SOX5: variants seen among roughly 807,000 people sequenced by gnomAD.
SOX5 encodes the protein SRY-box transcription factor 5, also known as transcription factor SOX-5.
A neutral mutation model predicts 92.0 loss-of-function variants in SOX5; 9 were observed. That is an observed-to-expected ratio of 0.10 (90% CI 0.06 to 0.17). SOX5 has a LOEUF of 0.17. SOX5 is among the 10% of genes least tolerant of loss of function. The pLI, the probability that SOX5 is intolerant of heterozygous loss-of-function variation, is 1.00. For synonymous variants in SOX5, 344 were observed against 336.3 expected, an observed-to-expected ratio of 1.02 and a Z score of -0.25; for missense variants, 642 against 944.5, an observed-to-expected ratio of 0.68 and a Z score of 4.20.
At chr12:23,920,606 C>T (rs1364279403) in intron 1 of SOX5, 1 of 152,154 alleles carries the variant, frequency 6.6e-6, no homozygotes, top group Non-Finnish European at 1.5e-5. Flanking sequence ...TGAATCTTCT[C>T]ATGAAGAGCT....
At chr12:23,919,461 A>G (rs1367425526) in intron 1 of SOX5, among the ~76,000 whole-genome samples, 1 of 152,232 alleles carries the variant, frequency 6.6e-6, no homozygotes, top group South Asian at 2.1e-4. Flanking sequence ...TTGTCACTTC[A>G]GCCATAGTTC....
At chr12:23,750,984 A>G (rs549793263) in intron 4 of SOX5, among the ~76,000 whole-genome samples, 1 of 152,012 alleles carries the variant, frequency 6.6e-6, no homozygotes, top group South Asian at 2.1e-4. Flanking sequence ...TGTCAAACTT[A>G]TTTTGAAAAC....
At chr12:23,894,510 A>C (rs1030672537) in intron 2 of SOX5, among the ~76,000 whole-genome samples, 1 of 152,080 alleles carries the variant, frequency 6.6e-6, no homozygotes, top group African/African-American at 2.4e-5. Context: ...TACAGGTGTG[A>C]GCCACCACGC....
At chr12:24,560,357 C>T (rs1055240026) in intron 1 of SOX5, among the ~76,000 whole-genome samples, 2 of 152,162 alleles carry the variant, frequency 1.3e-5, no homozygotes, top group Non-Finnish European at 2.9e-5. Context: ...GGATTTAAGG[C>T]TGTATTGCAT....
At chr12:24,039,373 G>A (rs1463953322) in intron 4 of SOX5, among the ~76,000 whole-genome samples, 5 of 152,140 alleles carry the variant, frequency 3.3e-5, no homozygotes, top group African/African-American at 1.2e-4. Context: ...TTGTGTGGTG[G>A]TGACTGTCCA....
intron 3 of SOX5, among the ~76,000 whole-genome samples, chr12:24,252,526 T>G (rs1940304637): frequency 6.6e-6 from 1 of 152,030 alleles, no homozygotes; most frequent in Non-Finnish European, 1.5e-5. Flanking sequence ...GTTAAGGGGA[T>G]TAATAGGCAA....
chr12:23,857,397 G>C (rs1361870322), intron 2 of SOX5, among the ~76,000 whole-genome samples: 1 of 152,178 alleles, frequency 6.6e-6, no homozygotes, highest in Non-Finnish European at 1.5e-5. Context: ...TGACACATAT[G>C]TGACAATAAA....
intron 3 of SOX5, among the ~76,000 whole-genome samples, chr12:23,816,679 A>T (rs912657024): frequency 1.3e-5 from 2 of 152,206 alleles, no homozygotes; most frequent in Non-Finnish European, 2.9e-5. Flanking sequence ...GAAAAACAGC[A>T]GGCAACTGAG....
chr12:23,697,602 G>A (rs145657419), intron 6 of SOX5, among the ~76,000 whole-genome samples: 3 of 152,270 alleles, frequency 2.0e-5, no homozygotes, highest in African/African-American at 7.2e-5. Flanking sequence ...CCAGGCTGGA[G>A]TGCTGTGGTG....
At chr12:24,435,238 T>G (rs528631847) in intron 1 of SOX5, among the ~76,000 whole-genome samples, 1 of 152,320 alleles carries the variant, frequency 6.6e-6, no homozygotes, top group East Asian at 1.9e-4. Context: ...AAGCTGCCTG[T>G]GCATGAAGCT....
intron 6 of SOX5, among the ~76,000 whole-genome samples, chr12:23,722,521 A>C (rs776044378): frequency 1.7e-4 from 26 of 152,164 alleles, no homozygotes; most frequent in Non-Finnish European, 2.9e-4. Flanking sequence ...TAATTTGGAA[A>C]TTTCATCACA....
intron 2 of SOX5, among the ~76,000 whole-genome samples, chr12:23,895,165 G>A (rs912968685): frequency 6.8e-6 from 1 of 145,998 alleles, no homozygotes; most frequent in African/African-American, 2.5e-5. Flanking sequence ...TAGGATAAGG[G>A]GTCAGAGGAT....
chr12:23,928,134 T>C (rs1429838079), intron 1 of SOX5, among the ~76,000 whole-genome samples: 3 of 151,864 alleles, frequency 2.0e-5, no homozygotes, highest in African/African-American at 2.4e-5. Flanking sequence ...TAACAAAACC[T>C]GAAGGGAAGC....
chr12:23,603,876 A>C (rs1393826516), intron 9 of SOX5: 1 of 156,046 alleles, frequency 6.4e-6, no homozygotes, highest in Non-Finnish European at 1.4e-5. Context: ...ACATTATAAC[A>C]GTCACTGATA....
In SOX5 at chr12:24,033,810, G is replaced by A. The variant is rs1955747127; in HGVS notation, c.-1-137786C>T. On this transcript the variant is annotated intron_variant, in intron 4 of 4. Coordinates refer to the SOX5 transcript ENST00000446891. ...ACTCATTACTGCTAATAGCACAGTTGTATAAAAGAAGACACAATGCTACCT... is the reference window on the plus strand; with the variant it reads ...ACTCATTACTGCTAATAGCACAGTTATATAAAAGAAGACACAATGCTACCT... 2.0e-5 allele frequency among the ~76,000 whole-genome samples: 3 copies of A among 152,070 alleles called. No homozygotes were observed. The South Asian group carries it at 6.2e-4, about 31-fold the overall frequency.
At chr12:24,511,943 G>A (rs540779243) in intron 1 of SOX5, among the ~76,000 whole-genome samples, 2 of 140,916 alleles carry the variant, frequency 1.4e-5, no homozygotes, top group African/African-American at 2.7e-5. Context: ...GGGCAACAGA[G>A]TGAGACTCCA....
At chr12:24,070,702 G>C (rs1941632566) in intron 4 of SOX5, among the ~76,000 whole-genome samples, 1 of 152,132 alleles carries the variant, frequency 6.6e-6, no homozygotes, top group South Asian at 2.1e-4. Flanking sequence ...TTTATGTTTA[G>C]GGAAGAGAAC....
chr12:24,166,779 G>C (rs1953464010), intron 4 of SOX5, among the ~76,000 whole-genome samples: 1 of 152,086 alleles, frequency 6.6e-6, no homozygotes, highest in Non-Finnish European at 1.5e-5. Flanking sequence ...CATGCTCTTT[G>C]TTTACTCATT....
chr12:24,511,831 G>T (rs1566353304), intron 1 of SOX5, among the ~76,000 whole-genome samples: 1 of 151,878 alleles, frequency 6.6e-6, no homozygotes, highest in Admixed American at 6.6e-5. Flanking sequence ...GGTGGCGGGT[G>T]CCTGTAGTCC....
Sources: allele counts gnomAD v4.1 joint callset (sites outside exome capture counted in the v4.1 genomes callset), GRCh38; gene constraint gnomAD v4.1.1; transcripts MANE v1.5; gene names NCBI Gene and HGNC (gene_info 2026-07-23, HGNC 2026-07-21).